The following PDGFD variants were observed in gnomAD, a reference collection of about 807,000 sequenced individuals.
The protein encoded by PDGFD is platelet derived growth factor D.
Under a neutral mutation model 44.7 loss-of-function variants are expected in PDGFD, and 30 were observed. That is an observed-to-expected ratio of 0.67 (90% CI 0.50 to 0.91). The LOEUF (loss-of-function observed/expected upper bound fraction) is 0.91. PDGFD is among the 40% of genes least tolerant of loss of function. The pLI is 0.00. For synonymous variants in PDGFD, 173 were observed against 168.4 expected (o/e 1.03, Z -0.21); for missense variants, 445 against 457.8 (o/e 0.97, Z 0.25).
At chr11:104,118,747 T>A (rs1172224356) in intron 1 of PDGFD, among the ~76,000 whole-genome samples, 2 of 80,058 alleles carry the variant, frequency 2.5e-5, no homozygotes, top group South Asian at 3.4e-4. Flanking sequence ...TATATATTAT[T>A]ATATAGTATA....
chr11:103,911,089 G>C lies in PDGFD; in HGVS notation c.988-1270C>G, dbSNP rs556716715. On this transcript the variant is annotated intron_variant, in intron 6 of 6. Transcript: ENST00000393158. ...AAGAAAGGCAGCAGCCCCAGTCAGG[G>C]ACTTATAGATAAAACCCCCATCTCC... is the stretch of plus-strand genomic sequence containing the variant. Among the ~76,000 whole-genome samples, 9 of 152,332 alleles carry C rather than the reference G, an allele frequency of 5.9e-5. No individual in the cohort carries two copies. The South Asian group carries it at 1.7e-3, about 28-fold the overall frequency.
intron 1 of PDGFD, among the ~76,000 whole-genome samples, chr11:104,160,883 G>A (rs897716171): frequency 6.6e-6 from 1 of 152,046 alleles, no homozygotes; most frequent in Admixed American, 6.5e-5. Context: ...ACTATCATTC[G>A]ACAACCCTAA....
At chr11:103,921,965 T>C (rs1371151965) in intron 6 of PDGFD, among the ~76,000 whole-genome samples, 2 of 151,748 alleles carry the variant, frequency 1.3e-5, no homozygotes, top group Admixed American at 6.6e-5. Flanking sequence ...GACTACCATA[T>C]GGAACATTGC....
Position 103,943,688 on chromosome 11 carries a change from T to C in PDGFD, c.574-38A>G, listed in dbSNP as rs201968375. ...TACAGCTCAGTGTACTCAGAATAAG[T>C]CCATTGCTGTGAAATACAACAGTCA... is the stretch of plus-strand genomic sequence containing the variant. On this transcript the variant is annotated intron_variant, in intron 4 of 6. Coordinates refer to ENST00000393158, the MANE Select transcript of PDGFD (RefSeq NM_025208.5). The C allele has an allele frequency of 1.5e-5, 23 of 1,540,870 alleles. No homozygotes were observed. In the African/African-American group the frequency reaches 3.0e-4, roughly 20 times the overall value.
At chr11:104,017,086 TA>T (rs1859868912) in intron 1 of PDGFD, among the ~76,000 whole-genome samples, 1 of 152,182 alleles carries the variant, frequency 6.6e-6, no homozygotes, top group Non-Finnish European at 1.5e-5. Context: ...TACGGATTTA[TA>T]AAACAGGCTC....
intron 1 of PDGFD, among the ~76,000 whole-genome samples, chr11:104,048,103 T>C (rs938511536): frequency 1.3e-5 from 2 of 152,144 alleles, no homozygotes; most frequent in African/African-American, 4.8e-5. Context: ...ATTTCTCTCA[T>C]AGAAGCATTT....
intron 1 of PDGFD, among the ~76,000 whole-genome samples, chr11:104,060,322 G>A (rs1448791765): frequency 1.3e-5 from 2 of 152,120 alleles, no homozygotes; most frequent in East Asian, 3.9e-4. Flanking sequence ...CCTCTTTCCT[G>A]GGCTAGGCTT....
intron 1 of PDGFD, among the ~76,000 whole-genome samples, chr11:104,108,617 T>G (rs538023763): frequency 1.2e-4 from 19 of 152,312 alleles, no homozygotes; most frequent in Admixed American, 7.2e-4. Flanking sequence ...TGTAAACTAG[T>G]TCAACCACTG....
chr11:104,057,555 A>G (rs1220346888), intron 1 of PDGFD, among the ~76,000 whole-genome samples: 1 of 152,044 alleles, frequency 6.6e-6, no homozygotes, highest in Non-Finnish European at 1.5e-5. Flanking sequence ...AAAGGGTTGA[A>G]AAACTGACCA....
chr11:103,996,003 T>C (rs745522353), intron 3 of PDGFD, 62 bp downstream of exon 3: 147 of 1,422,922 alleles, frequency 1.0e-4, no homozygotes, highest in Non-Finnish European at 1.4e-4. Flanking sequence ...TCATAGAAAA[T>C]TGATCTCTAC....
chr11:103,971,105 AC>A (rs1859096296), intron 3 of PDGFD, among the ~76,000 whole-genome samples: 1 of 152,130 alleles, frequency 6.6e-6, no homozygotes, highest in Non-Finnish European at 1.5e-5. Flanking sequence ...ATGTGTCATA[AC>A]TTTGACTTTA....
At chr11:104,163,703 C>G in intron 1 of PDGFD, 101 bp downstream of exon 1, 1 of 1,353,452 alleles carries the variant, frequency 7.4e-7, no homozygotes. Context: ...AGCCCGAGTT[C>G]ACATTCAAGA....
Position 104,092,385 on chromosome 11 carries a change from G to A in PDGFD, c.124+71419C>T, listed in dbSNP as rs561359323. Among the ~76,000 whole-genome samples the A allele has an allele frequency of 3.3e-5, 5 of 152,236 alleles. No individual in the cohort carries two copies. In the East Asian group the frequency reaches 5.8e-4, roughly 18 times the overall value. On this transcript the variant is annotated intron_variant, in intron 1 of 6. Coordinates refer to ENST00000393158, the MANE Select transcript of PDGFD (RefSeq NM_025208.5). ...TTATTTTACAGAAGACAAAAGAAAC[G>A]TGTCTGTGATCGCACCCAGCAGAAC... is the stretch of plus-strand genomic sequence containing the variant.
chr11:104,140,036 T>C lies in PDGFD; in HGVS notation c.124+23768A>G, dbSNP rs1178248547. On this transcript the variant is annotated intron_variant, in intron 1 of 6. Transcript: ENST00000393158. Reference sequence around the variant, plus strand: ...GATTGCGCCACTGCAGTCCGCAGTCTGGCCTGGGCGACAGAGCGAGACTCC... The same window carrying C: ...GATTGCGCCACTGCAGTCCGCAGTCCGGCCTGGGCGACAGAGCGAGACTCC... Among the ~76,000 whole-genome samples the C allele has an allele frequency of 4.5e-4, 9 of 20,142 alleles. 4 individuals are homozygous for C. Among genetic ancestry groups the C allele is most frequent in the Admixed American group, 8.2e-4 (2 of 2,432 alleles). The allele number at this position is 20,142 out of a possible 152,430, so 13.2% of individuals were successfully genotyped here. A position where few individuals can be genotyped will look rare whatever the true frequency, so the allele number is the denominator to read the frequency against.
chr11:104,060,184 T>C (rs1860690360), intron 1 of PDGFD, among the ~76,000 whole-genome samples: 1 of 152,238 alleles, frequency 6.6e-6, no homozygotes, highest in Non-Finnish European at 1.5e-5. Flanking sequence ...ATCCACTGTG[T>C]TATGAATTAC....
intron 1 of PDGFD, among the ~76,000 whole-genome samples, chr11:104,056,945 T>C (rs1860627003): frequency 6.6e-6 from 1 of 151,994 alleles, no homozygotes; most frequent in South Asian, 2.1e-4. Context: ...CTGGTCAACA[T>C]GGTGAAACCC....
chr11:103,941,228 GT>G (rs1266229814), intron 5 of PDGFD, among the ~76,000 whole-genome samples: 1 of 152,016 alleles, frequency 6.6e-6, no homozygotes, highest in East Asian at 1.9e-4. Context: ...GGCATCTGAA[GT>G]TTTTCAAAGC....
chr11:104,001,818 T>G (rs1170752900), intron 1 of PDGFD, among the ~76,000 whole-genome samples: 1 of 152,182 alleles, frequency 6.6e-6, no homozygotes, highest in Non-Finnish European at 1.5e-5. Flanking sequence ...GAAACCACTG[T>G]AAGGTAGGGT....
At chr11:103,928,946 T>C (rs1311366901) in intron 5 of PDGFD, among the ~76,000 whole-genome samples, 6 of 152,132 alleles carry the variant, frequency 3.9e-5, no homozygotes, top group Non-Finnish European at 7.4e-5. Flanking sequence ...ACAGGGCTGA[T>C]GCAGAGGGCC....
Sources: gnomAD v4.1 joint callset for allele counts (sites outside exome capture counted in the v4.1 genomes callset) on GRCh38, gnomAD v4.1.1 for gene constraint, MANE v1.5 for transcripts, NCBI Gene and HGNC (gene_info 2026-07-23, HGNC 2026-07-21) for gene names.